CTIF: variants seen among roughly 807,000 people sequenced by gnomAD.
CTIF encodes cap binding complex dependent translation initiation factor, also known as CBP80/20-dependent translation initiation factor.
A neutral mutation model predicts 66.0 loss-of-function variants in CTIF; 21 were observed. The ratio of observed to expected loss-of-function variants is 0.32; its 90% CI spans 0.23 to 0.46. The LOEUF is 0.46. Among genes scored for constraint, CTIF ranks in the 20% least tolerant of loss-of-function variants. The probability of loss-of-function intolerance (pLI) is 1.00; values close to 1 mark genes in which losing one functional copy is unlikely to be tolerated. For synonymous variants in CTIF, 345 were observed against 326.4 expected (o/e 1.06, Z -0.62); for missense variants, 739 against 812.7 (o/e 0.91, Z 1.10).
At chr18:48,852,869 A>G (rs2069239529) in intron 10 of CTIF, among the ~76,000 whole-genome samples, 1 of 152,224 alleles carries the variant, frequency 6.6e-6, no homozygotes, top group South Asian at 2.1e-4. Context: ...ATTGCCATCT[A>G]TAGAGTGATA....
At chr18:48,648,468 AACACACACACACAC>A (rs150332855) in intron 3 of CTIF, among the ~76,000 whole-genome samples, 3 of 148,468 alleles carry the variant, frequency 2.0e-5, no homozygotes, top group South Asian at 2.2e-4. Flanking sequence ...CTTCGTTCTG[AACACACACACACAC>A]ACACACGCAC....
At chr18:48,686,980 A>G (rs955749324) in intron 6 of CTIF, among the ~76,000 whole-genome samples, 1 of 152,260 alleles carries the variant, frequency 6.6e-6, no homozygotes, top group African/African-American at 2.4e-5. Flanking sequence ...TTTTGTATTC[A>G]TGAGAGAGCA....
In CTIF at chr18:48,571,463, A is replaced by C. The variant is rs534712911; in HGVS notation, c.-29+32151A>C. On this transcript the variant is annotated intron_variant, in intron 1 of 11. Transcript: ENST00000256413. The stretch of plus-strand genomic sequence containing the variant: ...GAGCCACCACACTCGGCCAGGTAGC[A>C]CTTTTAAAAATATTTTGTTTCCCCT... Among the ~76,000 whole-genome samples, 215 of 152,300 alleles carry C rather than the reference A, an allele frequency of 1.4e-3. 2 individuals are homozygous for C. Among genetic ancestry groups the C allele is most frequent in the Middle Eastern group, 3.4e-3 (1 of 294 alleles).
chr18:48,571,680 T>C (rs1204500890), intron 1 of CTIF, among the ~76,000 whole-genome samples: 1 of 152,210 alleles, frequency 6.6e-6, no homozygotes, highest in African/African-American at 2.4e-5. Context: ...AGTATGGCTA[T>C]ACCATGCTTT....
chr18:48,563,702 C>T (rs1178265133), intron 1 of CTIF, among the ~76,000 whole-genome samples: 4 of 152,264 alleles, frequency 2.6e-5, no homozygotes, highest in African/African-American at 9.6e-5. Flanking sequence ...GAACTCCTAA[C>T]TTCAGGTGAT....
intron 2 of CTIF, among the ~76,000 whole-genome samples, chr18:48,630,167 C>T (rs1044349301): frequency 1.3e-5 from 2 of 152,106 alleles, no homozygotes; most frequent in Non-Finnish European, 2.9e-5. Flanking sequence ...CCTCTACCTG[C>T]GCGTCACTGC....
chr18:48,630,769 G>C (rs1322278214), intron 2 of CTIF, among the ~76,000 whole-genome samples: 1 of 151,772 alleles, frequency 6.6e-6, no homozygotes, highest in Non-Finnish European at 1.5e-5. Flanking sequence ...TCTGCCTCCC[G>C]AGTTCATGCC....
chr18:48,630,913 G>A (rs1429953712), intron 2 of CTIF, among the ~76,000 whole-genome samples: 4 of 151,958 alleles, frequency 2.6e-5, no homozygotes, highest in Admixed American at 6.6e-5. Context: ...TCCTGAACTC[G>A]TGATCCACCC....
chr18:48,702,502 G>A (rs912650997), intron 6 of CTIF, among the ~76,000 whole-genome samples: 4 of 152,332 alleles, frequency 2.6e-5, no homozygotes, highest in African/African-American at 9.6e-5. Flanking sequence ...AGTATTGAGA[G>A]CAGAGCTTTT....
At chr18:48,680,649 G>T (rs1306835592) in intron 6 of CTIF, among the ~76,000 whole-genome samples, 1 of 152,236 alleles carries the variant, frequency 6.6e-6, no homozygotes, top group Non-Finnish European at 1.5e-5. Flanking sequence ...AGTTTCCAGG[G>T]TCTGGTTTAA....
At chr18:48,653,726 T>C (rs1273132441) in intron 3 of CTIF, among the ~76,000 whole-genome samples, 2 of 152,198 alleles carry the variant, frequency 1.3e-5, no homozygotes, top group East Asian at 1.9e-4. Flanking sequence ...CTTCAAACTA[T>C]GCTGCAAGGC....
At chr18:48,648,490 C>CACACACACACACAA (rs539843976) in intron 3 of CTIF, among the ~76,000 whole-genome samples, 1,532 of 151,334 alleles carry the variant, frequency 0.01, 14 homozygotes, top group Middle Eastern at 0.02. Context: ...CACACACACG[C>CACACACACACACAA]ACACACACAC....
At chr18:48,785,470 A>G (rs962267173) in intron 9 of CTIF, among the ~76,000 whole-genome samples, 21 of 152,236 alleles carry the variant, frequency 1.4e-4, no homozygotes, top group African/African-American at 4.1e-4. Context: ...CCACCCCTGC[A>G]GTCAGGCATC....
At chr18:48,581,007 C>A (rs913159383) in intron 1 of CTIF, among the ~76,000 whole-genome samples, 1 of 152,236 alleles carries the variant, frequency 6.6e-6, no homozygotes, top group African/African-American at 2.4e-5. Context: ...TGCAGTACTG[C>A]CCGGGGGCTG....
intron 9 of CTIF, among the ~76,000 whole-genome samples, chr18:48,782,498 G>A (rs1176989651): frequency 1.3e-5 from 2 of 152,206 alleles, no homozygotes; most frequent in Non-Finnish European, 2.9e-5. Context: ...AGCTGGCAGG[G>A]GTGACAAGAC....
chr18:48,830,539 C>CA (rs2068668443), intron 10 of CTIF, among the ~76,000 whole-genome samples: 1 of 152,018 alleles, frequency 6.6e-6, no homozygotes, highest in Non-Finnish European at 1.5e-5. Context: ...ACACCACCCC[C>CA]AAAAAACAAA....
At chr18:48,636,834 G>A (rs2090832264) in intron 3 of CTIF, 149 bp downstream of exon 3, 2 of 489,228 alleles carry the variant, frequency 4.1e-6, no homozygotes, top group Non-Finnish European at 6.8e-6. Context: ...TCCCTGGAAA[G>A]CCCTCCCTAA....
intron 9 of CTIF, among the ~76,000 whole-genome samples, chr18:48,799,851 C>G (rs570375099): frequency 6.6e-6 from 1 of 152,354 alleles, no homozygotes; most frequent in African/African-American, 2.4e-5. Context: ...CAGAGTTTCT[C>G]TGCCCTTGCA....
At chr18:48,735,898 C>T (rs990039871) in intron 7 of CTIF, among the ~76,000 whole-genome samples, 1 of 152,118 alleles carries the variant, frequency 6.6e-6, no homozygotes, top group Non-Finnish European at 1.5e-5. Context: ...TGTGGATGGC[C>T]TCTTGGGGAG....
Sources: allele counts gnomAD v4.1 joint callset (sites outside exome capture counted in the v4.1 genomes callset), GRCh38; gene constraint gnomAD v4.1.1; transcripts MANE v1.5; gene names NCBI Gene and HGNC (gene_info 2026-07-23, HGNC 2026-07-21).